HCRTR2: variants seen among roughly 807,000 people sequenced by gnomAD.
HCRTR2 encodes orexin receptor type 2.
Under a neutral mutation model 49.0 loss-of-function variants are expected in HCRTR2, and 22 were observed. The ratio of observed to expected loss-of-function variants is 0.45; its 90% CI spans 0.32 to 0.64. The LOEUF (loss-of-function observed/expected upper bound fraction) is 0.64, where lower values mean the gene tolerates loss of function less well. HCRTR2 is among the 30% of genes least tolerant of loss of function. HCRTR2 has a pLI of 0.04. For missense variants in HCRTR2, 491 were observed against 559.4 expected (o/e 0.88, Z 1.23); for synonymous variants, 236 against 205.3 (o/e 1.15, Z -1.28).
rs557790129 is a variant in HCRTR2 at position 55,266,236 on chromosome 6, G to A, written c.762+2414G>A. Among the ~76,000 whole-genome samples, 5 of 152,218 alleles carry A rather than the reference G, an allele frequency of 3.3e-5. No individual in the cohort carries two copies. The South Asian group carries it at 8.3e-4, about 25-fold the overall frequency. ...TATATGTGACTATTTTTTAAAAAATGCACATTGAAATACCAGTATGGTGCT... is the reference window on the plus strand; with the variant it reads ...TATATGTGACTATTTTTTAAAAAATACACATTGAAATACCAGTATGGTGCT... On this transcript the variant is annotated intron_variant, in intron 4 of 6. Transcript: ENST00000370862.
At chr6:55,255,902 C>T (rs1467018128) in intron 3 of HCRTR2, among the ~76,000 whole-genome samples, 4 of 152,158 alleles carry the variant, frequency 2.6e-5, no homozygotes, top group Non-Finnish European at 5.9e-5. Context: ...TTTGTTTTCT[C>T]TATTCATAAT....
chr6:55,152,283 G>A (rs1035586937), intron 1 of HCRTR2, among the ~76,000 whole-genome samples: 5 of 151,758 alleles, frequency 3.3e-5, no homozygotes, highest in Admixed American at 6.6e-5. Context: ...CACATGTGAC[G>A]TAAAATTTCA....
At position 55,277,387 on chromosome 6, in the gene HCRTR2, G is replaced by GA; in HGVS notation, c.772dup (p.Thr258AsnfsTer35). The GA allele has an allele frequency of 6.2e-7, 1 of 1,613,250 alleles. No homozygotes were observed. The highest frequency in any genetic ancestry group is 8.5e-7 in the Non-Finnish European group (1 of 1,179,314). ...TGTCTCTTCTCCTTTCAGATCCCTGGAACATCATCTGTAGTTCAGAGAAAA... is the reference window on the plus strand; with the variant it reads ...TGTCTCTTCTCCTTTCAGATCCCTGGAAACATCATCTGTAGTTCAGAGAAAA... On this transcript the variant is annotated frameshift_variant, in exon 5 of 7. Transcript: ENST00000370862. LOFTEE classifies it high-confidence loss of function.
intron 1 of HCRTR2, among the ~76,000 whole-genome samples, chr6:55,142,844 A>G (rs1462455771): frequency 1.4e-5 from 1 of 71,092 alleles, no homozygotes; most frequent in Non-Finnish European, 2.7e-5. Context: ...AAGTCCATTA[A>G]AAGTGGTCAA....
At position 55,248,685 on chromosome 6, in the gene HCRTR2, C is replaced by T; in HGVS notation, c.270C>T (p.Asn90=). The change falls in exon 2 of 7, where the codon AAC becomes AAT. Residue 90 remains asparagine, a synonymous_variant. Coordinates refer to ENST00000370862, the MANE Select transcript of HCRTR2 (RefSeq NM_001384272.1). The part of the protein sequence containing the change: ...WKNHHMRTVT[N]YFIVNLSLAD... ...ACCACCACATGAGGACGGTAACCAA[C>T]TACTTCATAGTCAATCTTTCTCTGG... 1.2e-6 allele frequency: 2 copies of T among 1,613,470 alleles called. No individual in the cohort carries two copies. The highest frequency in any genetic ancestry group is 1.7e-6 in the Non-Finnish European group (2 of 1,179,528).
In HCRTR2 at chr6:55,282,073, C is replaced by G; in HGVS notation, c.1106-152C>G. On this transcript the variant is annotated intron_variant, in intron 6 of 6. Transcript: ENST00000370862. Reference sequence around the variant, plus strand: ...AAGAGTCTACCAAGCTTCCAATAAACTCAATTTCCTTATTCTATTTTACCC... The same window carrying G: ...AAGAGTCTACCAAGCTTCCAATAAAGTCAATTTCCTTATTCTATTTTACCC... 4.7e-6 allele frequency: 3 copies of G among 639,240 alleles called. No homozygotes were observed. In the South Asian group the frequency reaches 5.5e-5, roughly 12 times the overall value. 39.6% of individuals were successfully genotyped at this position (639,240 alleles called of 1,614,324 possible).
intron 1 of HCRTR2, among the ~76,000 whole-genome samples, chr6:55,166,745 G>A (rs1764882816): frequency 6.6e-6 from 1 of 152,058 alleles, no homozygotes; most frequent in Non-Finnish European, 1.5e-5. Context: ...ACAAAAACTT[G>A]TACAAGAACA....
intron 1 of HCRTR2, among the ~76,000 whole-genome samples, chr6:55,119,339 T>A (rs189401161): frequency 1.3e-5 from 2 of 152,244 alleles, no homozygotes; most frequent in African/African-American, 4.8e-5. Context: ...TAGTTTTAGA[T>A]CCTTGAGGAG....
chr6:55,190,974 T>C (rs180918529), intron 1 of HCRTR2, among the ~76,000 whole-genome samples: 1 of 152,260 alleles, frequency 6.6e-6, no homozygotes, highest in East Asian at 1.9e-4. Flanking sequence ...TAGTTTTCCA[T>C]TTGACAAAAA....
downstream of HCRTR2, among the ~76,000 whole-genome samples, chr6:55,284,153 G>A (rs1455874297): frequency 6.6e-6 from 1 of 152,038 alleles, no homozygotes; most frequent in Admixed American, 6.6e-5. Context: ...GCCAGTAATA[G>A]CTCAGAGGAA....
At chr6:55,108,492 G>A (rs1031820444) in intron 1 of HCRTR2, among the ~76,000 whole-genome samples, 1 of 151,838 alleles carries the variant, frequency 6.6e-6, no homozygotes, top group African/African-American at 2.4e-5. Flanking sequence ...ATTCATTTCA[G>A]CTCTAGATAA....
chr6:55,231,563 G>C (rs1179979359), intron 1 of HCRTR2, among the ~76,000 whole-genome samples: 1 of 151,920 alleles, frequency 6.6e-6, no homozygotes, highest in African/African-American at 2.4e-5. Context: ...AATCTGCTTT[G>C]TGTGCCTTTC....
intron 3 of HCRTR2, among the ~76,000 whole-genome samples, chr6:55,262,992 A>G (rs1042111991): frequency 2.6e-5 from 4 of 151,638 alleles, no homozygotes; most frequent in African/African-American, 9.7e-5. Context: ...AAATATTCAT[A>G]TTGGATTGGA....
chr6:55,133,758 G>C (rs1009400847), intron 1 of HCRTR2, among the ~76,000 whole-genome samples: 1 of 151,430 alleles, frequency 6.6e-6, no homozygotes, highest in Non-Finnish European at 1.5e-5. Context: ...CTCAAACATA[G>C]CTTTTTATAT....
intron 1 of HCRTR2, among the ~76,000 whole-genome samples, chr6:55,205,449 G>A (rs147520428): frequency 0.023 from 3,501 of 152,232 alleles, 61 homozygotes; most frequent in Non-Finnish European, 0.036. Flanking sequence ...GATAAGTAAA[G>A]TGAAATGTAG....
chr6:55,139,514 T>G (rs1764478452), intron 1 of HCRTR2, among the ~76,000 whole-genome samples: 1 of 152,224 alleles, frequency 6.6e-6, no homozygotes, highest in Admixed American at 6.5e-5. Context: ...TTTATTTGGT[T>G]ATTTGTTTAA....
At chr6:55,140,042 G>A (rs140432075) in intron 1 of HCRTR2, among the ~76,000 whole-genome samples, 35 of 152,210 alleles carry the variant, frequency 2.3e-4, no homozygotes, top group African/African-American at 6.0e-4. Flanking sequence ...GCTGCATCTC[G>A]GGATATGAAC....
chr6:55,171,174 T>C (rs1764944790), upstream of HCRTR2, among the ~76,000 whole-genome samples: 1 of 152,182 alleles, frequency 6.6e-6, no homozygotes, highest in Admixed American at 6.5e-5. Context: ...TCCACAATGA[T>C]TGAACTAGTT....
intron 4 of HCRTR2, among the ~76,000 whole-genome samples, chr6:55,274,257 A>T (rs12660385): frequency 2.9e-5 from 1 of 34,054 alleles, no homozygotes; most frequent in African/African-American, 9.3e-5. Flanking sequence ...ATATATATAT[A>T]ATGAAATATA....
Sources: allele counts gnomAD v4.1 joint callset (sites outside exome capture counted in the v4.1 genomes callset), GRCh38; gene constraint gnomAD v4.1.1; transcripts MANE v1.5; gene names NCBI Gene and HGNC (gene_info 2026-07-23, HGNC 2026-07-21).